The following PCDHGA5 variants were observed in gnomAD, a reference collection of about 807,000 sequenced individuals.
The protein encoded by PCDHGA5 is protocadherin gamma-A5.
Under a neutral mutation model 56.7 loss-of-function variants are expected in PCDHGA5, and 36 were observed. The ratio of observed to expected loss-of-function variants is 0.64; its 90% CI spans 0.49 to 0.84. PCDHGA5 has a LOEUF of 0.84. PCDHGA5 is among the 40% of genes least tolerant of loss of function. The pLI is 0.00. For missense variants in PCDHGA5, 1,305 were observed against 1,201.5 expected (o/e 1.09, Z -1.27); for synonymous variants, 563 against 520.2 (o/e 1.08, Z -1.12).
intron 1 of PCDHGA5, chr5:141,410,288 T>G: frequency 6.2e-7 from 1 of 1,614,044 alleles, no homozygotes; most frequent in Non-Finnish European, 8.5e-7. Context: ...GGTGGTGGCC[T>G]TGGCCTTAAT....
chr5:141,375,327 T>A (rs1219155365), intron 1 of PCDHGA5: 2 of 1,613,686 alleles, frequency 1.2e-6, no homozygotes, highest in South Asian at 2.2e-5. Context: ...CGGGAAGAGG[T>A]ATTCTTGTAC....
At chr5:141,389,197 T>C (rs2091642576) in intron 1 of PCDHGA5, 1 of 1,614,010 alleles carries the variant, frequency 6.2e-7, no homozygotes, top group East Asian at 2.2e-5. Context: ...AGCATCACCC[T>C]GCACATTGGT....
intron 2 of PCDHGA5, among the ~76,000 whole-genome samples, chr5:141,504,999 T>C (rs1278633184): frequency 6.6e-6 from 1 of 152,000 alleles, no homozygotes; most frequent in African/African-American, 2.4e-5. Context: ...CCGTCTGTAC[T>C]AAAAATACAA....
At chr5:141,370,339 ATTAT>A (rs1300420900) in intron 1 of PCDHGA5, 18 of 1,464,644 alleles carry the variant, frequency 1.2e-5, no homozygotes, top group Non-Finnish European at 1.7e-5. Flanking sequence ...AACTCTTGGG[ATTAT>A]TTAAAGATCT....
intron 1 of PCDHGA5, chr5:141,405,547 G>A (rs2094685057): frequency 1.6e-6 from 1 of 629,986 alleles, no homozygotes; most frequent in Non-Finnish European, 2.7e-6. Context: ...AGCCTCCCAA[G>A]TAGAGTAGCT....
At chr5:141,439,009 G>T (rs1474312524) in intron 1 of PCDHGA5, among the ~76,000 whole-genome samples, 1 of 151,594 alleles carries the variant, frequency 6.6e-6, no homozygotes, top group Non-Finnish European at 1.5e-5. Flanking sequence ...TGGTTTGTTT[G>T]TCAAATTTTG....
In PCDHGA5 at chr5:141,511,318, A is replaced by C; in HGVS notation, c.*145A>C. 2 of 1,476,400 alleles carry C rather than the reference A, an allele frequency of 1.4e-6. No homozygotes were observed. Among genetic ancestry groups the C allele is most frequent in the South Asian group, 2.7e-5 (2 of 72,796 alleles). 91.5% of individuals were successfully genotyped at this position (1,476,400 alleles called of 1,614,324 possible). On this transcript the variant is annotated 3_prime_UTR_variant, in exon 4 of 4. Transcript: ENST00000518069. The stretch of plus-strand genomic sequence containing the variant: ...GCCATGCTCCCCTTGGGAAACAGAA[A>C]CAAGTGCCCAGTCAGCACCTACCCC...
rs113065470 is a variant in PCDHGA5 at position 141,401,000 on chromosome 5, C to A, written c.2421+34249C>A. 4.1e-3 allele frequency among the ~76,000 whole-genome samples: 629 copies of A among 152,216 alleles called. 6 individuals are homozygous for A. The highest frequency in any genetic ancestry group is 0.014 in the African/African-American group (590 of 41,530). On this transcript the variant is annotated intron_variant, in intron 1 of 3. Coordinates refer to ENST00000518069, the MANE Select transcript of PCDHGA5 (RefSeq NM_018918.3). ...TGTTCCTCATATATGCTTTCTTATT[C>A]CTACCTAATGGATTTATGATTTTTT...
At chr5:141,457,062 T>C (rs1168687034) in intron 1 of PCDHGA5, among the ~76,000 whole-genome samples, 1 of 152,232 alleles carries the variant, frequency 6.6e-6, no homozygotes, top group Non-Finnish European at 1.5e-5. Context: ...GCTTCCTTTT[T>C]GCCAGTAACT....
In PCDHGA5 at chr5:141,366,459, T is replaced by G. The variant is rs1764573783; in HGVS notation, c.2129T>G (p.Val710Gly). The change falls in exon 1 of 4, where the codon GTG becomes GGG. Residue 710 changes from valine to glycine, a missense_variant. By Grantham distance (109) the Val-to-Gly change is moderately radical (BLOSUM62 -3). Coordinates refer to ENST00000518069, the MANE Select transcript of PCDHGA5 (RefSeq NM_018918.3). Reference protein sequence around the residue: ...VSCVFLAFVIVLLVLRLRRWH... With the variant: ...VSCVFLAFVIGLLVLRLRRWH... Reference sequence around the variant, plus strand: ...TGCGTCTTCCTGGCCTTCGTCATCGTGCTGCTGGTGCTCAGACTGAGGCGC... The same window carrying G: ...TGCGTCTTCCTGGCCTTCGTCATCGGGCTGCTGGTGCTCAGACTGAGGCGC... The G allele has an allele frequency of 6.2e-7, 1 of 1,614,122 alleles. No individual in the cohort carries two copies. The highest frequency in any genetic ancestry group is 1.3e-5 in the African/African-American group (1 of 74,958).
At chr5:141,426,153 T>C (rs928934950) in intron 1 of PCDHGA5, 12 of 154,130 alleles carry the variant, frequency 7.8e-5, no homozygotes, top group African/African-American at 2.6e-4. Flanking sequence ...CTCCTGCAAA[T>C]CTGATTCCAT....
In PCDHGA5 at chr5:141,430,991, A is replaced by G. The variant is rs2097333608; in HGVS notation, c.2422-63816A>G. 2.5e-6 allele frequency: 4 copies of G among 1,613,862 alleles called. No individual in the cohort carries two copies. In the East Asian group the frequency reaches 8.9e-5, roughly 36 times the overall value. ...AGGTAGGACGCAGCTTTTCGCCCTGAATCCGCGCAGCGGCAGCTTGGTCAC... is the reference window on the plus strand; with the variant it reads ...AGGTAGGACGCAGCTTTTCGCCCTGGATCCGCGCAGCGGCAGCTTGGTCAC... On this transcript the variant is annotated intron_variant, in intron 1 of 3. Coordinates refer to ENST00000518069, the MANE Select transcript of PCDHGA5 (RefSeq NM_018918.3).
chr5:141,381,143 G>A (rs1277267624), intron 1 of PCDHGA5, among the ~76,000 whole-genome samples: 1 of 152,184 alleles, frequency 6.6e-6, no homozygotes, highest in Non-Finnish European at 1.5e-5. Flanking sequence ...CCACCAGAAA[G>A]CAGAAATAGG....
intron 1 of PCDHGA5, chr5:141,398,580 A>T: frequency 1.2e-6 from 2 of 1,614,044 alleles, no homozygotes; most frequent in Non-Finnish European, 1.7e-6. Flanking sequence ...CTGGCACAAG[A>T]TTTATACTAG....
rs1225265096 is a variant in PCDHGA5 at position 141,490,666 on chromosome 5, G to A, written c.2422-4141G>A. Reference sequence around the variant, plus strand: ...GCCTCCGGGCTCCCTTCTTTGCACTGTGGCTGCCTCAGATCCAGACACTGG... The same window carrying A: ...GCCTCCGGGCTCCCTTCTTTGCACTATGGCTGCCTCAGATCCAGACACTGG... On this transcript the variant is annotated intron_variant, in intron 1 of 3. Coordinates refer to ENST00000518069, the MANE Select transcript of PCDHGA5 (RefSeq NM_018918.3). The surrounding 1 kb of genome is among the most constrained non-coding windows in gnomAD (Gnocchi z 5.4). The A allele has an allele frequency of 1.2e-6, 2 of 1,614,134 alleles. No homozygotes were observed. The highest frequency in any genetic ancestry group is 3.3e-5 in the Admixed American group (2 of 60,026).
intron 1 of PCDHGA5, among the ~76,000 whole-genome samples, chr5:141,451,724 A>G (rs2098722682): frequency 6.6e-6 from 1 of 152,170 alleles, no homozygotes; most frequent in Non-Finnish European, 1.5e-5. Context: ...TCTACTAAAA[A>G]TACAAAAATT....
At position 141,421,815 on chromosome 5, in the gene PCDHGA5, A is replaced by C. The variant is rs746563152; in HGVS notation, c.2421+55064A>C. ...ATGGGGCCAAGAATCCAGAGCTAGTACTGGAGGGAAGCCTGGACCGAGAGA... is the reference window on the plus strand; with the variant it reads ...ATGGGGCCAAGAATCCAGAGCTAGTCCTGGAGGGAAGCCTGGACCGAGAGA... On this transcript the variant is annotated intron_variant, in intron 1 of 3. Coordinates refer to ENST00000518069, the MANE Select transcript of PCDHGA5 (RefSeq NM_018918.3). 4 of 1,613,764 alleles carry C rather than the reference A, an allele frequency of 2.5e-6. No individual in the cohort carries two copies. The South Asian group carries it at 3.3e-5, about 13-fold the overall frequency.
rs766038218 is a variant in PCDHGA5 at position 141,398,581 on chromosome 5, T to C, written c.2421+31830T>C. The stretch of plus-strand genomic sequence containing the variant: ...TGAGTCTGCACAGCCTGGCACAAGA[T>C]TTATACTAGAAGTAGCAGAAGATGC... On this transcript the variant is annotated intron_variant, in intron 1 of 3. Transcript: ENST00000518069. The C allele has an allele frequency of 1.2e-5, 20 of 1,614,028 alleles. No individual in the cohort carries two copies. In the Admixed American group the frequency reaches 2.2e-4, roughly 17 times the overall value.
rs776335336 is a variant in PCDHGA5 at position 141,403,470 on chromosome 5, G to A, written c.2421+36719G>A. The A allele has an allele frequency of 3.7e-5, 59 of 1,613,910 alleles. No homozygotes were observed. Among genetic ancestry groups the A allele is most frequent in the Non-Finnish European group, 4.8e-5 (57 of 1,179,918 alleles). ...AACTCCCTCCAGAGCTACCAGCTCAGCCCCAATCACCACTTCTCCCTGAAC... is the reference window on the plus strand; with the variant it reads ...AACTCCCTCCAGAGCTACCAGCTCAACCCCAATCACCACTTCTCCCTGAAC... On this transcript the variant is annotated intron_variant, in intron 1 of 3. Coordinates refer to ENST00000518069, the MANE Select transcript of PCDHGA5 (RefSeq NM_018918.3).
Sources: gnomAD v4.1 joint callset for allele counts (sites outside exome capture counted in the v4.1 genomes callset) on GRCh38, gnomAD v4.1.1 for gene constraint, Gnocchi (gnomAD v3.1) non-coding constraint, MANE v1.5 for transcripts, NCBI Gene and HGNC (gene_info 2026-07-23, HGNC 2026-07-21) for gene names.